RAPGEF6: variants seen among roughly 807,000 people sequenced by gnomAD.
The protein encoded by RAPGEF6 is Rap guanine nucleotide exchange factor 6.
A neutral mutation model predicts 171.4 loss-of-function variants in RAPGEF6; 56 were observed. That is an observed-to-expected ratio of 0.33 (90% CI 0.26 to 0.41). RAPGEF6 has a LOEUF of 0.41. Ranked by LOEUF, RAPGEF6 falls within the 10% of genes least tolerant of loss-of-function variation. The pLI, the probability that RAPGEF6 is intolerant of heterozygous loss-of-function variation, is 1.00. For synonymous variants in RAPGEF6, 692 were observed against 650.1 expected, an observed-to-expected ratio of 1.06 and a Z score of -0.98; for missense variants, 1,674 against 1,921.4, an observed-to-expected ratio of 0.87 and a Z score of 2.41.
intron 1 of RAPGEF6, among the ~76,000 whole-genome samples, chr5:131,627,529 A>G (rs1179432922): frequency 1.3e-5 from 2 of 152,206 alleles, no homozygotes; most frequent in African/African-American, 4.8e-5. Flanking sequence ...ATTAAGGGAA[A>G]TATAAGGAGT....
intron 14 of RAPGEF6, among the ~76,000 whole-genome samples, chr5:131,490,362 G>A (rs747134435): frequency 1.5e-4 from 22 of 150,662 alleles, no homozygotes; most frequent in Non-Finnish European, 3.1e-4. Flanking sequence ...AAAATATTAG[G>A]GAAAGAAAAA....
In RAPGEF6 at chr5:131,427,381, A is replaced by T. The variant is rs565306919; in HGVS notation, c.4781-90T>A. 6.3e-5 allele frequency: 71 copies of T among 1,134,134 alleles called. 2 individuals carry two copies. In the South Asian group the frequency reaches 9.8e-4, roughly 16 times the overall value. The allele number at this position is 1,134,134 out of a possible 1,614,324, so 70.3% of individuals were successfully genotyped here. ...TTATCTATTTAGAAAATCAATGTCA[A>T]CAAAGAAATCCTCTCAAACATTGCA... On this transcript the variant is annotated intron_variant, in intron 27 of 27. Coordinates refer to ENST00000509018, the MANE Select transcript of RAPGEF6 (RefSeq NM_016340.6).
At chr5:131,524,711 G>A (rs1006112996) in intron 6 of RAPGEF6, among the ~76,000 whole-genome samples, 1 of 152,014 alleles carries the variant, frequency 6.6e-6, no homozygotes, top group Non-Finnish European at 1.5e-5. Context: ...TGCCTCCTGG[G>A]TTTGAGTGTT....
chr5:131,427,444 T>C (rs571279220), intron 27 of RAPGEF6, among the ~76,000 whole-genome samples, 153 bp from the exon 28 acceptor site: 2 of 152,346 alleles, frequency 1.3e-5, no homozygotes, highest in Admixed American at 1.3e-4. Context: ...ACCTATGATT[T>C]CTGATCACAT....
chr5:131,455,733 C>T, intron 20 of RAPGEF6, 68 bp downstream of exon 20: 1 of 1,398,776 alleles, frequency 7.1e-7, no homozygotes, highest in Non-Finnish European at 1.0e-6. Context: ...ATACCATACA[C>T]AAAAATCAAT....
chr5:131,585,287 ACTATACATACATACATACATACAT>A (rs1561583714), intron 4 of RAPGEF6, among the ~76,000 whole-genome samples: 3 of 122,812 alleles, frequency 2.4e-5, no homozygotes, highest in African/African-American at 8.3e-5. Flanking sequence ...AAAAAAAAAA[ACTATACATACATACATACATACAT>A]ACATACATAC....
At chr5:131,521,626 T>C in intron 6 of RAPGEF6, 105 bp from the exon 7 acceptor site, 1 of 1,023,682 alleles carries the variant, frequency 9.8e-7, no homozygotes. Flanking sequence ...TGCAATCTCT[T>C]TTTTAACCCA....
intron 3 of RAPGEF6, among the ~76,000 whole-genome samples, chr5:131,602,513 C>A (rs988043339): frequency 6.6e-6 from 1 of 152,258 alleles, no homozygotes; most frequent in African/African-American, 2.4e-5. Context: ...GTAATTCCAG[C>A]GCTTTGGGAG....
At chr5:131,592,001 G>T (rs1404157156) in intron 4 of RAPGEF6, among the ~76,000 whole-genome samples, 1 of 152,056 alleles carries the variant, frequency 6.6e-6, no homozygotes, top group Non-Finnish European at 1.5e-5. Context: ...GGAATTACAG[G>T]TATGCGCCAC....
intron 8 of RAPGEF6, among the ~76,000 whole-genome samples, chr5:131,509,624 A>G (rs1757593404): frequency 6.6e-6 from 1 of 152,214 alleles, no homozygotes; most frequent in Non-Finnish European, 1.5e-5. Flanking sequence ...AAAAATCTGC[A>G]AGTTTTTCAA....
At chr5:131,436,482 G>A in intron 24 of RAPGEF6, 2 of 1,084,092 alleles carry the variant, frequency 1.8e-6, no homozygotes, top group Non-Finnish European at 2.6e-6. Context: ...GATAATATCT[G>A]AAAAATTGAA....
Position 131,445,170 on chromosome 5 carries a change from G to T in RAPGEF6, c.3421+1313C>A, listed in dbSNP as rs115201506. Among the ~76,000 whole-genome samples the T allele has an allele frequency of 6.5e-3, 986 of 152,112 alleles. 13 individuals carry two copies. Among genetic ancestry groups the T allele is most frequent in the African/African-American group, 0.023 (948 of 41,492 alleles). ...ACTCAAATTCTGCCTCTATCCTTTCGTAGGTATTCTTTCCATCATACTCCA... is the reference window on the plus strand; with the variant it reads ...ACTCAAATTCTGCCTCTATCCTTTCTTAGGTATTCTTTCCATCATACTCCA... On this transcript the variant is annotated intron_variant, in intron 22 of 27. Coordinates refer to ENST00000509018, the MANE Select transcript of RAPGEF6 (RefSeq NM_016340.6).
chr5:131,559,664 A>C (rs1761464865), intron 5 of RAPGEF6, among the ~76,000 whole-genome samples: 2 of 65,406 alleles, frequency 3.1e-5, no homozygotes, highest in African/African-American at 6.3e-5. Flanking sequence ...CTACAAAAAC[A>C]ATAACAACAA....
At chr5:131,610,007 C>T (rs1009064801) in intron 1 of RAPGEF6, among the ~76,000 whole-genome samples, 1 of 152,168 alleles carries the variant, frequency 6.6e-6, no homozygotes, top group Non-Finnish European at 1.5e-5. Context: ...ACTGGCCTCA[C>T]AGAACGCTGT....
intron 4 of RAPGEF6, among the ~76,000 whole-genome samples, chr5:131,562,888 A>G (rs1201580180): frequency 6.6e-6 from 1 of 152,186 alleles, no homozygotes; most frequent in Non-Finnish European, 1.5e-5. Flanking sequence ...TGACTTCTTA[A>G]AAGAAAGTGT....
chr5:131,460,875 A>T (rs739952), intron 19 of RAPGEF6, among the ~76,000 whole-genome samples: 33,346 of 152,090 alleles, frequency 0.22, 3,999 homozygotes, highest in East Asian at 0.49. Context: ...GAAACAAATC[A>T]TTATGAATTC....
At chr5:131,597,369 T>C (rs1005112297) in intron 3 of RAPGEF6, among the ~76,000 whole-genome samples, 3 of 151,684 alleles carry the variant, frequency 2.0e-5, no homozygotes, top group Non-Finnish European at 2.9e-5. Context: ...ACTGGATACA[T>C]ATCCAAAGGA....
intron 7 of RAPGEF6, among the ~76,000 whole-genome samples, chr5:131,514,522 T>C (rs947210385): frequency 3.9e-5 from 6 of 151,972 alleles, no homozygotes; most frequent in Admixed American, 1.3e-4. Flanking sequence ...CAAACCACTA[T>C]AAAGAGACTC....
intron 19 of RAPGEF6, among the ~76,000 whole-genome samples, chr5:131,457,787 T>C (rs868868896): frequency 6.6e-6 from 1 of 152,180 alleles, no homozygotes; most frequent in African/African-American, 2.4e-5. Context: ...GCCCCACAGA[T>C]ACTGAGGGAC....
Sources: gnomAD v4.1 joint callset for allele counts (sites outside exome capture counted in the v4.1 genomes callset) on GRCh38, gnomAD v4.1.1 for gene constraint, MANE v1.5 for transcripts, NCBI Gene and HGNC (gene_info 2026-07-23, HGNC 2026-07-21) for gene names.